The following CASTOR2 variants were observed in gnomAD, a reference collection of about 807,000 sequenced individuals.
The protein encoded by CASTOR2 is GATS protein like 2.
Under a neutral mutation model 31.2 loss-of-function variants are expected in CASTOR2, and 8 were observed. The observed-to-expected ratio is 0.26, with a 90% confidence interval of 0.15 to 0.46. The LOEUF (loss-of-function observed/expected upper bound fraction) is 0.46. CASTOR2 is among the 20% of genes least tolerant of loss of function. The pLI is 0.99. For missense variants in CASTOR2, 216 were observed against 382.1 expected (o/e 0.57, Z 3.62); for synonymous variants, 162 against 158.7 (o/e 1.02, Z -0.16).
chr7:75,023,307 C>T (rs1171795645), intron 7 of CASTOR2, among the ~76,000 whole-genome samples: 1 of 148,680 alleles, frequency 6.7e-6, no homozygotes, highest in Admixed American at 6.7e-5. Context: ...GAGTCCACCT[C>T]AAAAAAAGAA....
chr7:74,970,766 CA>C (rs1368228940), intron 1 of CASTOR2, among the ~76,000 whole-genome samples: 2 of 119,142 alleles, frequency 1.7e-5, no homozygotes, highest in South Asian at 3.2e-4. Context: ...CCCATCTCCA[CA>C]AAAAAAAATT....
At chr7:74,971,117 T>G (rs1563052742) in intron 1 of CASTOR2, among the ~76,000 whole-genome samples, 1 of 148,444 alleles carries the variant, frequency 6.7e-6, no homozygotes, top group Non-Finnish European at 1.5e-5. Context: ...TGCCTCAGCC[T>G]CTGGAGTAGC....
At chr7:74,984,704 C>A (rs1169917274) in intron 1 of CASTOR2, among the ~76,000 whole-genome samples, 3 of 152,174 alleles carry the variant, frequency 2.0e-5, no homozygotes, top group African/African-American at 7.2e-5. Context: ...CCTTTGGATG[C>A]ATTATCAACT....
chr7:74,986,255 T>TC (rs1295541359), intron 1 of CASTOR2, among the ~76,000 whole-genome samples: 2 of 149,168 alleles, frequency 1.3e-5, no homozygotes, highest in Non-Finnish European at 3.0e-5. Flanking sequence ...AACATGCCTG[T>TC]GGGGGGTGGA....
chr7:75,010,387 T>G (rs1321265759), intron 2 of CASTOR2, among the ~76,000 whole-genome samples: 3 of 152,124 alleles, frequency 2.0e-5, no homozygotes, highest in Admixed American at 6.6e-5. Context: ...CACTGAAGGT[T>G]GTTGGGCTGG....
Position 75,024,890 on chromosome 7 carries a change from T to G in CASTOR2, c.*191T>G, listed in dbSNP as rs1805085669. On this transcript the variant is annotated 3_prime_UTR_variant, in exon 9 of 9. Coordinates refer to ENST00000616305, the MANE Select transcript of CASTOR2 (RefSeq NM_001145064.3). Reference sequence around the variant, plus strand: ...ACGCCAAGGCCTCTCCATGCCCTCCTGCCTTCCCGGAGCCCCCCGACCCTC... The same window carrying G: ...ACGCCAAGGCCTCTCCATGCCCTCCGGCCTTCCCGGAGCCCCCCGACCCTC... 1 of 1,385,708 alleles carries G rather than the reference T, an allele frequency of 7.2e-7. No homozygotes were observed. The highest frequency in any genetic ancestry group is 9.9e-7 in the Non-Finnish European group (1 of 1,013,748). 85.8% of individuals were successfully genotyped at this position (1,385,708 alleles called of 1,614,324 possible). A position where few individuals can be genotyped will look rare whatever the true frequency, so the allele number is the denominator to read the frequency against.
intron 1 of CASTOR2, among the ~76,000 whole-genome samples, chr7:74,995,312 GA>G (rs1195214802): frequency 1.3e-5 from 2 of 151,790 alleles, no homozygotes; most frequent in Non-Finnish European, 2.9e-5. Context: ...ATGAAAGGGG[GA>G]AGGAGTTTGC....
In CASTOR2 at chr7:74,977,407, G is replaced by A. The variant is rs1584458775; in HGVS notation, c.113+12309G>A. Among the ~76,000 whole-genome samples, 5 of 149,492 alleles carry A rather than the reference G, an allele frequency of 3.3e-5. No individual in the cohort carries two copies. In the South Asian group the frequency reaches 1.1e-3, roughly 32 times the overall value. On this transcript the variant is annotated intron_variant, in intron 1 of 8. Transcript: ENST00000616305. Reference sequence around the variant, plus strand: ...AAAAGCATTTTTTTTTTGAGATGGAGTCTGGCTCTGTCACCCAGGCTGGAG... The same window carrying A: ...AAAAGCATTTTTTTTTTGAGATGGAATCTGGCTCTGTCACCCAGGCTGGAG...
Position 74,990,420 on chromosome 7 carries a change from C to A in CASTOR2, c.114-17574C>A, listed in dbSNP as rs1313345823. ...CAAAAACAAAAAACAACAACAACAA[C>A]AAAAAAACATGTTTTGGCTAGGTGC... On this transcript the variant is annotated intron_variant, in intron 1 of 8. Coordinates refer to ENST00000616305, the MANE Select transcript of CASTOR2 (RefSeq NM_001145064.3). Among the ~76,000 whole-genome samples, 29 of 151,074 alleles carry A rather than the reference C, an allele frequency of 1.9e-4. No homozygotes were observed. In the East Asian group the frequency reaches 2.9e-3, roughly 15 times the overall value.
intron 1 of CASTOR2, among the ~76,000 whole-genome samples, chr7:74,970,184 T>C (rs1396765872): frequency 1.3e-5 from 1 of 78,502 alleles, no homozygotes; most frequent in Non-Finnish European, 3.3e-5. Flanking sequence ...AGATATGTCG[T>C]TGTAGAAGGC....
intron 2 of CASTOR2, among the ~76,000 whole-genome samples, chr7:75,014,022 C>T (rs1199369224): frequency 2.6e-5 from 4 of 152,142 alleles, no homozygotes; most frequent in African/African-American, 9.6e-5. Context: ...AGCCACCGTA[C>T]CCGGCCTCTT....
At position 75,024,743 on chromosome 7, in the gene CASTOR2, C is replaced by T; in HGVS notation, c.*44C>T. 1 of 1,551,558 alleles carries T rather than the reference C, an allele frequency of 6.4e-7. No individual in the cohort carries two copies. Among genetic ancestry groups the T allele is most frequent in the Non-Finnish European group, 8.7e-7 (1 of 1,146,846 alleles). ...TCCCTGCCGCCGCCCGGGCCCAGCC[C>T]TAACCCTGAAGATTGATCTTGCAGT... On this transcript the variant is annotated 3_prime_UTR_variant, in exon 9 of 9. Transcript: ENST00000616305.
At chr7:75,007,831 G>A in intron 1 of CASTOR2, 163 bp from the exon 2 acceptor site, 1 of 824,976 alleles carries the variant, frequency 1.2e-6, no homozygotes, top group Non-Finnish European at 2.0e-6. Context: ...ACTGAGTAGG[G>A]GGACATGAAG....
In CASTOR2 at chr7:75,030,208, T is replaced by C. The variant is rs1805262506; in HGVS notation, c.*5509T>C. On this transcript the variant is annotated 3_prime_UTR_variant, in exon 9 of 9. Coordinates refer to ENST00000616305, the MANE Select transcript of CASTOR2 (RefSeq NM_001145064.3). ...GGGGGTGCAGGCCTAGGTGTGTTTATGCACACGTTTGTGCATGTACCTGTG... is the reference window on the plus strand; with the variant it reads ...GGGGGTGCAGGCCTAGGTGTGTTTACGCACACGTTTGTGCATGTACCTGTG... 6.6e-6 allele frequency among the ~76,000 whole-genome samples: 1 copy of C among 152,200 alleles called. No individual in the cohort carries two copies. The highest frequency in any genetic ancestry group is 1.5e-5 in the Non-Finnish European group (1 of 68,038).
intron 7 of CASTOR2, among the ~76,000 whole-genome samples, chr7:75,024,222 G>T (rs1228744697): frequency 6.6e-6 from 1 of 152,176 alleles, no homozygotes; most frequent in Non-Finnish European, 1.5e-5. Flanking sequence ...CTCAGGAGGT[G>T]GAGGTTGTAG....
In CASTOR2 at chr7:75,030,007, A is replaced by G. The variant is rs994455844; in HGVS notation, c.*5308A>G. ...ACCCTGCCTCTACAAGAAAATAACG[A>G]AAGAGGCCCCAGGGAAGGAAGCCAG... On this transcript the variant is annotated 3_prime_UTR_variant, in exon 9 of 9. Coordinates refer to ENST00000616305, the MANE Select transcript of CASTOR2 (RefSeq NM_001145064.3). 6.6e-6 allele frequency among the ~76,000 whole-genome samples: 1 copy of G among 152,146 alleles called. No homozygotes were observed. The highest frequency in any genetic ancestry group is 1.5e-5 in the Non-Finnish European group (1 of 68,004).
intron 1 of CASTOR2, among the ~76,000 whole-genome samples, chr7:74,993,116 C>T (rs377173787): frequency 1.1e-3 from 168 of 152,092 alleles, no homozygotes; most frequent in Middle Eastern, 6.8e-3. Context: ...AGGAGAATGG[C>T]GTGAACCCAG....
intron 1 of CASTOR2, among the ~76,000 whole-genome samples, chr7:74,975,055 G>A (rs1803769842): frequency 1.3e-5 from 2 of 151,184 alleles, no homozygotes; most frequent in South Asian, 2.1e-4. Context: ...TGCAACCTCT[G>A]CCTCCTGGGT....
intron 5 of CASTOR2, among the ~76,000 whole-genome samples, chr7:75,019,326 C>T (rs1804938950): frequency 6.6e-6 from 1 of 151,982 alleles, no homozygotes. Flanking sequence ...GAGACACAGA[C>T]CCGCCCCAGA....
Sources: allele counts gnomAD v4.1 joint callset (sites outside exome capture counted in the v4.1 genomes callset), GRCh38; gene constraint gnomAD v4.1.1; transcripts MANE v1.5; gene names NCBI Gene and HGNC (gene_info 2026-07-23, HGNC 2026-07-21).